The following CCBE1 variants were observed in gnomAD, a reference collection of about 807,000 sequenced individuals.
CCBE1 encodes the protein collagen and calcium binding EGF domains 1, also known as collagen and calcium-binding EGF domain-containing protein 1.
CCBE1 carries 37 observed loss-of-function variants against 50.0 expected under a neutral mutation model. That is an observed-to-expected ratio of 0.74 (90% CI 0.57 to 0.97). The LOEUF (loss-of-function observed/expected upper bound fraction) is 0.97. CCBE1 is among the 50% of genes least tolerant of loss of function. CCBE1 has a pLI of 0.00. For missense variants in CCBE1, 538 were observed against 523.8 expected (o/e 1.03, Z -0.26); for synonymous variants, 234 against 203.7 (o/e 1.15, Z -1.27).
intron 2 of CCBE1, among the ~76,000 whole-genome samples, chr18:59,601,030 T>G (rs1599051415): frequency 9.0e-6 from 1 of 111,372 alleles, no homozygotes; most frequent in Non-Finnish European, 1.9e-5. Flanking sequence ...TTTTTTTTTT[T>G]TTTTTTTTTT....
intron 2 of CCBE1, among the ~76,000 whole-genome samples, chr18:59,587,046 G>A (rs955004433): frequency 2.0e-5 from 3 of 152,152 alleles, no homozygotes; most frequent in Non-Finnish European, 2.9e-5. Context: ...TATTCATTTC[G>A]TTAGGAAGAA....
chr18:59,567,608 T>C (rs943833319), intron 2 of CCBE1, among the ~76,000 whole-genome samples: 3 of 152,230 alleles, frequency 2.0e-5, no homozygotes, highest in African/African-American at 7.2e-5. Flanking sequence ...CGGGTTTTAA[T>C]GTAGCAATTC....
Position 59,682,721 on chromosome 18 carries a change from T to C in CCBE1, c.212+13908A>G, listed in dbSNP as rs570560643. Among the ~76,000 whole-genome samples the C allele has an allele frequency of 1.3e-3, 196 of 152,406 alleles. No homozygotes were observed. The Middle Eastern group carries it at 0.02, about 16-fold the overall frequency. Reference sequence around the variant, plus strand: ...GTAAGTGGTAGGTCTAAGGATATCTTAGCATATGCATAGAAAGATTAGGAA... The same window carrying C: ...GTAAGTGGTAGGTCTAAGGATATCTCAGCATATGCATAGAAAGATTAGGAA... On this transcript the variant is annotated intron_variant, in intron 2 of 10. Transcript: ENST00000439986.
intron 5 of CCBE1, among the ~76,000 whole-genome samples, chr18:59,460,122 TTCAAAGAGAAAA>T (rs1464880727): frequency 1.3e-5 from 2 of 152,304 alleles, no homozygotes; most frequent in African/African-American, 2.4e-5. Context: ...GCTACATATT[TTCAAAGAGAAAA>T]TCAAAGTGAC....
chr18:59,481,014 C>T (rs1160277036), intron 2 of CCBE1, among the ~76,000 whole-genome samples: 1 of 152,148 alleles, frequency 6.6e-6, no homozygotes, highest in Non-Finnish European at 1.5e-5. Context: ...ATCAATGCTG[C>T]AATCTCCAAA....
intron 7 of CCBE1, among the ~76,000 whole-genome samples, chr18:59,441,126 T>C (rs978299144): frequency 1.3e-5 from 2 of 152,092 alleles, no homozygotes. Context: ...AAGAAGAGAG[T>C]ACCCATCTCC....
intron 2 of CCBE1, among the ~76,000 whole-genome samples, chr18:59,483,682 C>T (rs972011788): frequency 2.6e-5 from 4 of 152,164 alleles, no homozygotes; most frequent in Non-Finnish European, 4.4e-5. Flanking sequence ...AACAGAAATT[C>T]TGAAGCATAA....
chr18:59,606,291 A>G (rs1489131168), intron 2 of CCBE1, among the ~76,000 whole-genome samples: 6 of 152,170 alleles, frequency 3.9e-5, no homozygotes, highest in Admixed American at 3.3e-4. Flanking sequence ...ATGTGACAGA[A>G]GGACACAGTG....
At chr18:59,626,451 T>C (rs2053786369) in intron 2 of CCBE1, among the ~76,000 whole-genome samples, 1 of 152,234 alleles carries the variant, frequency 6.6e-6, no homozygotes, top group African/African-American at 2.4e-5. Flanking sequence ...ACAGGAGCAA[T>C]GAACACTTAT....
intron 2 of CCBE1, among the ~76,000 whole-genome samples, chr18:59,588,066 T>C (rs1434783207): frequency 6.6e-6 from 1 of 152,234 alleles, no homozygotes; most frequent in Non-Finnish European, 1.5e-5. Flanking sequence ...ATCTATAGAT[T>C]GAATAAAATC....
chr18:59,551,990 ACG>A (rs372426182), intron 2 of CCBE1, among the ~76,000 whole-genome samples: 123 of 152,274 alleles, frequency 8.1e-4, no homozygotes, highest in African/African-American at 2.9e-3. Flanking sequence ...TGGGCAACGC[ACG>A]CCTTGGCCAC....
At chr18:59,538,799 T>C (rs1394786943) in intron 2 of CCBE1, among the ~76,000 whole-genome samples, 1 of 152,238 alleles carries the variant, frequency 6.6e-6, no homozygotes, top group East Asian at 1.9e-4. Flanking sequence ...TATGTCCCTG[T>C]GTCATCTTCT....
At chr18:59,550,998 C>CAAAAAAAAAAAAAA (rs555160847) in intron 2 of CCBE1, among the ~76,000 whole-genome samples, 49 of 71,380 alleles carry the variant, frequency 6.9e-4, no homozygotes, top group Non-Finnish European at 8.2e-4. Context: ...CAGCGAGACT[C>CAAAAAAAAAAAAAA]AAAAAAAAAA....
At chr18:59,438,300 C>G (rs1430865034) in intron 9 of CCBE1, among the ~76,000 whole-genome samples, 154 bp from the exon 10 acceptor site, 1 of 152,202 alleles carries the variant, frequency 6.6e-6, no homozygotes, top group African/African-American at 2.4e-5. Context: ...CTCACGGGAC[C>G]ACTTATTTGA....
chr18:59,477,328 C>A (rs113780811), intron 3 of CCBE1, among the ~76,000 whole-genome samples: 1 of 152,174 alleles, frequency 6.6e-6, no homozygotes, highest in East Asian at 1.9e-4. Flanking sequence ...CGTCTCAGAT[C>A]CTTCAGGAAT....
At chr18:59,458,121 AATCC>A (rs72142081) in intron 5 of CCBE1, among the ~76,000 whole-genome samples, 128,092 of 151,002 alleles carry the variant, frequency 0.85, 54,767 homozygotes, top group Middle Eastern at 0.93. Context: ...TCTGTCCATC[AATCC>A]ATCCATCCAT....
At chr18:59,575,224 C>G (rs1249401069) in intron 2 of CCBE1, among the ~76,000 whole-genome samples, 2 of 152,126 alleles carry the variant, frequency 1.3e-5, no homozygotes, top group Non-Finnish European at 2.9e-5. Flanking sequence ...AATCTCTCCT[C>G]TATGAGCCAG....
At chr18:59,514,738 T>C (rs531855467) in intron 2 of CCBE1, among the ~76,000 whole-genome samples, 2 of 151,174 alleles carry the variant, frequency 1.3e-5, no homozygotes, top group East Asian at 3.9e-4. Context: ...CAGAGTACCC[T>C]TTGCCACGAC....
intron 2 of CCBE1, among the ~76,000 whole-genome samples, chr18:59,542,794 C>T (rs1915520926): frequency 6.6e-6 from 1 of 152,114 alleles, no homozygotes; most frequent in Non-Finnish European, 1.5e-5. Context: ...GGTTACTCTC[C>T]CCTTCTGGTG....
Sources: gnomAD v4.1 joint callset for allele counts (sites outside exome capture counted in the v4.1 genomes callset) on GRCh38, gnomAD v4.1.1 for gene constraint, MANE v1.5 for transcripts, NCBI Gene and HGNC (gene_info 2026-07-23, HGNC 2026-07-21) for gene names.